The following NUMB variants were observed in gnomAD, a reference collection of about 807,000 sequenced individuals.
NUMB encodes protein numb homolog.
NUMB carries 29 observed loss-of-function variants against 59.7 expected under a neutral mutation model. The ratio of observed to expected loss-of-function variants is 0.49; its 90% CI spans 0.36 to 0.66. The LOEUF (loss-of-function observed/expected upper bound fraction) is 0.66, where lower values mean the gene tolerates loss of function less well. NUMB is among the 30% of genes least tolerant of loss of function. NUMB has a pLI of 0.00. For missense variants in NUMB, 723 were observed against 822.0 expected (o/e 0.88, Z 1.47); for synonymous variants, 288 against 288.2 (o/e 1.00, Z 0.01).
intron 2 of NUMB, among the ~76,000 whole-genome samples, chr14:73,379,228 C>T (rs991484332): frequency 6.6e-6 from 1 of 152,150 alleles, no homozygotes; most frequent in Non-Finnish European, 1.5e-5. Context: ...ACTAGTACTT[C>T]CTCCTCCTTC....
intron 2 of NUMB, among the ~76,000 whole-genome samples, chr14:73,396,397 G>C (rs1250402296): frequency 6.6e-6 from 1 of 151,584 alleles, no homozygotes; most frequent in Non-Finnish European, 1.5e-5. Context: ...GCCCGAGCTG[G>C]AGTACAGTGG....
chr14:73,362,803 T>C (rs563555036), intron 3 of NUMB, among the ~76,000 whole-genome samples: 2 of 152,184 alleles, frequency 1.3e-5, no homozygotes, highest in South Asian at 4.2e-4. Flanking sequence ...ACATAGCATA[T>C]TGGTTACTCA....
At chr14:73,436,144 T>C (rs1364193863) in intron 1 of NUMB, among the ~76,000 whole-genome samples, 1 of 152,212 alleles carries the variant, frequency 6.6e-6, no homozygotes, top group Non-Finnish European at 1.5e-5. Flanking sequence ...TACTATACAA[T>C]GAGGATGCCT....
intron 7 of NUMB, among the ~76,000 whole-genome samples, chr14:73,293,645 C>T (rs902129480): frequency 6.6e-6 from 1 of 152,198 alleles, no homozygotes. Flanking sequence ...CCTGCCTTGG[C>T]CTCCCAAAGT....
chr14:73,354,144 A>C (rs959660991), intron 4 of NUMB, among the ~76,000 whole-genome samples: 17 of 151,972 alleles, frequency 1.1e-4, no homozygotes, highest in Admixed American at 9.9e-4. Flanking sequence ...CAGAAGCTTT[A>C]GCCCATATTT....
At chr14:73,411,919 CTTTTT>C (rs935625343) in intron 1 of NUMB, among the ~76,000 whole-genome samples, 17 of 106,812 alleles carry the variant, frequency 1.6e-4, no homozygotes, top group Admixed American at 8.2e-4. Flanking sequence ...CAGCAATTAA[CTTTTT>C]TTTTTTTTTT....
chr14:73,305,469 T>A (rs1352410307), intron 6 of NUMB, among the ~76,000 whole-genome samples: 1 of 152,168 alleles, frequency 6.6e-6, no homozygotes, highest in Non-Finnish European at 1.5e-5. Flanking sequence ...TAAAATTCTA[T>A]GATCCCCAAG....
chr14:73,339,560 T>G (rs1190419335), intron 4 of NUMB, among the ~76,000 whole-genome samples: 2 of 152,264 alleles, frequency 1.3e-5, no homozygotes, highest in African/African-American at 2.4e-5. Context: ...TTGTTTTTGT[T>G]TTTTGGTTTT....
At chr14:73,283,168 C>T (rs1888744530) in intron 10 of NUMB, among the ~76,000 whole-genome samples, 1 of 152,186 alleles carries the variant, frequency 6.6e-6, no homozygotes. Flanking sequence ...TCTGTTTGCT[C>T]ATCTGTAAAG....
At chr14:73,429,265 G>A (rs60332423) in intron 1 of NUMB, among the ~76,000 whole-genome samples, 4 of 151,988 alleles carry the variant, frequency 2.6e-5, no homozygotes, top group Admixed American at 6.6e-5. Flanking sequence ...CCAGCTACTC[G>A]GGAGGCTGAG....
intron 2 of NUMB, among the ~76,000 whole-genome samples, chr14:73,369,333 G>A (rs1350073184): frequency 1.3e-5 from 2 of 152,084 alleles, no homozygotes; most frequent in South Asian, 2.1e-4. Flanking sequence ...GAGCCACCGC[G>A]CCTGGCCCTA....
intron 8 of NUMB, among the ~76,000 whole-genome samples, chr14:73,290,671 CT>C (rs1359927398): frequency 1.3e-5 from 2 of 152,220 alleles, no homozygotes; most frequent in Non-Finnish European, 2.9e-5. Flanking sequence ...TGTCTCGACA[CT>C]TGCTGTACAT....
intron 1 of NUMB, among the ~76,000 whole-genome samples, chr14:73,451,166 AAAAAAAAAC>A (rs1283199766): frequency 2.8e-5 from 4 of 142,888 alleles, no homozygotes; most frequent in Non-Finnish European, 3.1e-5. Flanking sequence ...AAAAAAAAAA[AAAAAAAAAC>A]AAAAAACAAA....
At chr14:73,456,469 GAA>G (rs1372016929) in intron 1 of NUMB, among the ~76,000 whole-genome samples, 1 of 152,180 alleles carries the variant, frequency 6.6e-6, no homozygotes, top group Non-Finnish European at 1.5e-5. Context: ...CTCAAAAAAA[GAA>G]ATACACTTTA....
At chr14:73,447,929 T>C (rs1595051124) in intron 1 of NUMB, among the ~76,000 whole-genome samples, 2 of 151,882 alleles carry the variant, frequency 1.3e-5, no homozygotes, top group East Asian at 3.9e-4. Context: ...CCCTAGTAGC[T>C]GGGACAACAG....
chr14:73,431,188 C>A (rs1897811793), intron 1 of NUMB, among the ~76,000 whole-genome samples: 1 of 151,266 alleles, frequency 6.6e-6, no homozygotes, highest in Non-Finnish European at 1.5e-5. Context: ...AGCTCCTGAC[C>A]TCGTGATCCA....
At chr14:73,340,168 C>T (rs1332347009) in intron 4 of NUMB, among the ~76,000 whole-genome samples, 5 of 152,218 alleles carry the variant, frequency 3.3e-5, no homozygotes, top group African/African-American at 9.6e-5. Context: ...TGGGCCCTGG[C>T]TGCCAGTTTC....
chr14:73,375,321 C>A (rs1413099874), intron 2 of NUMB, among the ~76,000 whole-genome samples: 2 of 152,084 alleles, frequency 1.3e-5, no homozygotes, highest in Non-Finnish European at 2.9e-5. Flanking sequence ...TTTATTACTT[C>A]TTTTATATTT....
At chr14:73,349,358 T>A (rs1893077510) in intron 4 of NUMB, among the ~76,000 whole-genome samples, 1 of 150,016 alleles carries the variant, frequency 6.7e-6, no homozygotes, top group African/African-American at 2.5e-5. Flanking sequence ...GAGGCCAAGG[T>A]GGGCGGATCA....
Sources: gnomAD v4.1 joint callset for allele counts (sites outside exome capture counted in the v4.1 genomes callset) on GRCh38, gnomAD v4.1.1 for gene constraint, MANE v1.5 for transcripts, NCBI Gene and HGNC (gene_info 2026-07-23, HGNC 2026-07-21) for gene names.